Variants in KIT observed in about 807,000 individuals in gnomAD.
KIT encodes the protein KIT proto-oncogene, receptor tyrosine kinase, also known as mast/stem cell growth factor receptor Kit.
In KIT, 16 loss-of-function variants were observed where a neutral mutation model predicts 105.7. That is an observed-to-expected ratio of 0.15 (90% CI 0.10 to 0.23). The LOEUF is 0.23. Ranked by LOEUF, KIT falls within the 10% of genes least tolerant of loss-of-function variation. KIT has a pLI of 1.00. For synonymous variants in KIT, 438 were observed against 441.1 expected, an observed-to-expected ratio of 0.99 and a Z score of 0.09; for missense variants, 858 against 1,213.8, an observed-to-expected ratio of 0.71 and a Z score of 4.36.
At chr4:54,664,929 A>G (rs895637340) in intron 1 of KIT, among the ~76,000 whole-genome samples, 4 of 151,578 alleles carry the variant, frequency 2.6e-5, no homozygotes, top group African/African-American at 9.7e-5. Context: ...ATAAAATGAA[A>G]TTTACTACCT....
At chr4:54,721,861 T>C (rs574553323) in intron 7 of KIT, among the ~76,000 whole-genome samples, 4 of 152,362 alleles carry the variant, frequency 2.6e-5, no homozygotes, top group African/African-American at 9.6e-5. Context: ...TATCAGACTA[T>C]TCTAAAGAAG....
intron 3 of KIT, 117 bp downstream of exon 3, chr4:54,698,682 C>A: frequency 8.8e-7 from 1 of 1,136,892 alleles, no homozygotes; most frequent in Non-Finnish European, 1.3e-6. Context: ...GTTCATAGTT[C>A]CCCCAGCTTC....
intron 1 of KIT, among the ~76,000 whole-genome samples, chr4:54,682,983 C>G (rs960555527): frequency 3.3e-5 from 5 of 151,886 alleles, no homozygotes; most frequent in African/African-American, 9.7e-5. Flanking sequence ...AACTCCTGGT[C>G]TCAAGTGATC....
chr4:54,727,766 C>A (rs1722333101), intron 11 of KIT, 57 bp from the exon 12 acceptor site: 2 of 1,403,390 alleles, frequency 1.4e-6, no homozygotes, highest in Non-Finnish European at 1.0e-6. Context: ...CACAAATGGT[C>A]CTTCAATTCC....
intron 1 of KIT, among the ~76,000 whole-genome samples, chr4:54,662,285 A>G (rs1717337769): frequency 6.6e-6 from 1 of 152,164 alleles, no homozygotes; most frequent in African/African-American, 2.4e-5. Flanking sequence ...TGATGGCTTC[A>G]TGACTGACAG....
chr4:54,719,587 C>T (rs1386607912), intron 7 of KIT, among the ~76,000 whole-genome samples: 1 of 151,914 alleles, frequency 6.6e-6, no homozygotes, highest in African/African-American at 2.4e-5. Flanking sequence ...TTTATCTCCA[C>T]AGGAAATGCA....
chr4:54,703,322 A>T (rs1026287717), intron 4 of KIT, among the ~76,000 whole-genome samples: 2 of 152,178 alleles, frequency 1.3e-5, no homozygotes, highest in African/African-American at 2.4e-5. Flanking sequence ...GTTATTAGCA[A>T]TGTGTTCGCT....
intron 17 of KIT, among the ~76,000 whole-genome samples, chr4:54,735,784 C>T (rs1722892997): frequency 6.6e-6 from 1 of 151,800 alleles, no homozygotes; most frequent in East Asian, 1.9e-4. Flanking sequence ...GACAGAAAAC[C>T]CAAAATAAAA....
intron 2 of KIT, 59 bp from the exon 3 acceptor site, chr4:54,698,224 AG>A: frequency 6.6e-7 from 1 of 1,514,156 alleles, no homozygotes; most frequent in Non-Finnish European, 9.1e-7. Context: ...TCTTTTAAAA[AG>A]TGTTTTCAGT....
chr4:54,732,839 A>C (rs1044045637), intron 16 of KIT, among the ~76,000 whole-genome samples: 2 of 152,198 alleles, frequency 1.3e-5, no homozygotes, highest in African/African-American at 4.8e-5. Context: ...AGAAGAAAAC[A>C]GCATTTATTA....
intron 9 of KIT, 77 bp downstream of exon 9, chr4:54,726,127 C>T: frequency 1.8e-6 from 2 of 1,136,980 alleles, no homozygotes; most frequent in Non-Finnish European, 2.6e-6. Context: ...TAAGTTCATT[C>T]CAACATTGAC....
At chr4:54,710,809 G>C (rs1408071024) in intron 7 of KIT, among the ~76,000 whole-genome samples, 1 of 152,146 alleles carries the variant, frequency 6.6e-6, no homozygotes, top group East Asian at 1.9e-4. Flanking sequence ...CCAAAGTGCT[G>C]GGATTATAGG....
In KIT at chr4:54,736,424, A is replaced by G. The variant is rs1055705685; in HGVS notation, c.2485-74A>G. ...CCACATTTCAGCAACAGCAGCATCT[A>G]TAAGAATATCTTCTGTTCAATTTTG... On this transcript the variant is annotated intron_variant, in intron 17 of 20. Coordinates refer to ENST00000288135, the MANE Select transcript of KIT (RefSeq NM_000222.3). 4 of 1,130,586 alleles carry G rather than the reference A, an allele frequency of 3.5e-6. 1 individual carries two copies. The highest frequency in any genetic ancestry group is 5.4e-6 in the Non-Finnish European group (4 of 739,292). The allele number at this position is 1,130,586 out of a possible 1,614,324, so 70.0% of individuals were successfully genotyped here.
intron 1 of KIT, among the ~76,000 whole-genome samples, chr4:54,667,653 G>A (rs1293795964): frequency 6.6e-6 from 1 of 152,224 alleles, no homozygotes; most frequent in Admixed American, 6.5e-5. Context: ...GTAGAGAGTA[G>A]CGGAAGATGA....
Position 54,738,409 on chromosome 4 carries a change from T to C in KIT, c.2803-20T>C, listed in dbSNP as rs752130675. 1 of 1,613,952 alleles carries C rather than the reference T, an allele frequency of 6.2e-7. No homozygotes were observed. Among genetic ancestry groups the C allele is most frequent in the Non-Finnish European group, 8.5e-7 (1 of 1,179,936 alleles). On this transcript the variant is annotated intron_variant, in intron 20 of 20. Coordinates refer to ENST00000288135, the MANE Select transcript of KIT (RefSeq NM_000222.3). ...TCGTTGTAGGGACTGCTGTATTGAC[T>C]ATGGGCTTGTTTTCTCCAGATTTAC...
intron 7 of KIT, among the ~76,000 whole-genome samples, chr4:54,721,806 T>C (rs1490736744): frequency 6.6e-6 from 1 of 152,216 alleles, no homozygotes. Context: ...AGTTGCAATA[T>C]AATTGATGTT....
At chr4:54,681,003 T>TG (rs764313339) in intron 1 of KIT, among the ~76,000 whole-genome samples, 12 of 152,054 alleles carry the variant, frequency 7.9e-5, no homozygotes, top group African/African-American at 9.7e-5. Flanking sequence ...TCCTAGGTCT[T>TG]GGGGGGGTGA....
At chr4:54,728,915 G>A (rs1473679842) in intron 13 of KIT, among the ~76,000 whole-genome samples, 2 of 152,180 alleles carry the variant, frequency 1.3e-5, no homozygotes, top group African/African-American at 4.8e-5. Flanking sequence ...GCTCCTTGTG[G>A]CTGATTTTCC....
At chr4:54,685,321 A>G (rs1287005516) in intron 1 of KIT, among the ~76,000 whole-genome samples, 1 of 152,052 alleles carries the variant, frequency 6.6e-6, no homozygotes, top group African/African-American at 2.4e-5. Context: ...TGCTGGGCCA[A>G]ATGCCTCAAA....
Sources: gnomAD v4.1 joint callset for allele counts (sites outside exome capture counted in the v4.1 genomes callset) on GRCh38, gnomAD v4.1.1 for gene constraint, MANE v1.5 for transcripts, NCBI Gene and HGNC (gene_info 2026-07-23, HGNC 2026-07-21) for gene names.